TFAP2D: variants seen among roughly 807,000 people sequenced by gnomAD.
TFAP2D encodes the protein transcription factor AP-2 delta, also known as transcription factor AP-2-delta.
In TFAP2D, 9 loss-of-function variants were observed where a neutral mutation model predicts 43.6. The ratio of observed to expected loss-of-function variants is 0.21; its 90% CI spans 0.12 to 0.36. The LOEUF (loss-of-function observed/expected upper bound fraction) is 0.36, where lower values mean the gene tolerates loss of function less well. TFAP2D is among the 10% of genes least tolerant of loss of function. The pLI is 1.00. For missense variants in TFAP2D, 513 were observed against 561.4 expected, an observed-to-expected ratio of 0.91 and a Z score of 0.87; for synonymous variants, 256 against 224.9, an observed-to-expected ratio of 1.14 and a Z score of -1.24.
chr6:50,761,344 T>C (rs1769361033), intron 7 of TFAP2D, among the ~76,000 whole-genome samples: 2 of 151,986 alleles, frequency 1.3e-5, no homozygotes, highest in East Asian at 3.9e-4. Context: ...TGGCAGGCTA[T>C]TTTCTCTTGA....
chr6:50,753,978 G>C (rs1160817085), intron 7 of TFAP2D, among the ~76,000 whole-genome samples: 1 of 151,780 alleles, frequency 6.6e-6, no homozygotes. Flanking sequence ...TTCTTAAACT[G>C]TGATTAAAAA....
At chr6:50,720,412 T>C (rs972576784) in intron 3 of TFAP2D, among the ~76,000 whole-genome samples, 38 of 152,012 alleles carry the variant, frequency 2.5e-4, no homozygotes, top group African/African-American at 8.7e-4. Context: ...GTTATTGTTT[T>C]AGTGGATGCT....
Position 50,713,947 on chromosome 6 carries a change from ATTTT to A in TFAP2D, c.-102_-99del. 1.4e-6 allele frequency: 2 copies of A among 1,441,068 alleles called. No individual in the cohort carries two copies. Among genetic ancestry groups the A allele is most frequent in the Non-Finnish European group, 1.9e-6 (2 of 1,038,992 alleles). 89.3% of individuals were successfully genotyped at this position (1,441,068 alleles called of 1,614,324 possible). On this transcript the variant is annotated 5_prime_UTR_variant, in exon 1 of 8. Coordinates refer to ENST00000008391, the MANE Select transcript of TFAP2D (RefSeq NM_172238.4). The stretch of plus-strand genomic sequence containing the variant: ...CAATTTAGATATCTACCTATAGAAC[ATTTT>A]TTTTTTCCTTTAAAAATTGGAAAAT...
chr6:50,763,098 C>T (rs1769385695), intron 7 of TFAP2D, among the ~76,000 whole-genome samples: 1 of 152,028 alleles, frequency 6.6e-6, no homozygotes, highest in South Asian at 2.1e-4. Flanking sequence ...CTTAATCTCC[C>T]CTAAATTTCC....
intron 2 of TFAP2D, among the ~76,000 whole-genome samples, chr6:50,717,429 T>G (rs1329117162): frequency 6.6e-6 from 1 of 152,074 alleles, no homozygotes; most frequent in Non-Finnish European, 1.5e-5. Flanking sequence ...CGCCAGAGAG[T>G]GGGAGGGAAA....
At chr6:50,744,967 G>T in intron 5 of TFAP2D, 140 bp from the exon 6 acceptor site, 1 of 999,578 alleles carries the variant, frequency 1.0e-6, no homozygotes, top group Non-Finnish European at 1.4e-6. Flanking sequence ...CCCCAAAAAG[G>T]TCTTTTTTCT....
chr6:50,750,003 A>G (rs1281094731), intron 6 of TFAP2D, among the ~76,000 whole-genome samples: 1 of 151,892 alleles, frequency 6.6e-6, no homozygotes, highest in Non-Finnish European at 1.5e-5. Context: ...CTGGCATTAA[A>G]CCAGACCCTC....
intron 7 of TFAP2D, among the ~76,000 whole-genome samples, chr6:50,757,462 T>TAATATATATAATTATTCTATATATAGAA (rs1769291047): frequency 9.4e-6 from 1 of 106,528 alleles, no homozygotes; most frequent in East Asian, 2.7e-4. Context: ...TATATATATA[T>TAATATATATAATTATTCTATATATAGAA]AATATATATA....
intron 5 of TFAP2D, among the ~76,000 whole-genome samples, chr6:50,730,888 G>T (rs1376066030): frequency 6.6e-6 from 1 of 152,052 alleles, no homozygotes; most frequent in Non-Finnish European, 1.5e-5. Context: ...CACCCGGGAT[G>T]ATTGTGTATG....
At chr6:50,758,186 G>A (rs578253639) in intron 7 of TFAP2D, among the ~76,000 whole-genome samples, 20 of 151,878 alleles carry the variant, frequency 1.3e-4, no homozygotes, top group Middle Eastern at 3.4e-3. Context: ...TGGGAAATAA[G>A]GAATGTATAG....
intron 3 of TFAP2D, among the ~76,000 whole-genome samples, chr6:50,720,486 AACACACACACACACACACACACACAC>A (rs59484837): frequency 3.6e-5 from 5 of 139,160 alleles, no homozygotes; most frequent in Non-Finnish European, 4.6e-5. Context: ...TGGAGATTAA[AACACACACACACACACACACACACAC>A]ACACACACAC....
chr6:50,725,231 A>G (rs953023694), intron 3 of TFAP2D, among the ~76,000 whole-genome samples: 2 of 152,204 alleles, frequency 1.3e-5, no homozygotes, highest in Non-Finnish European at 2.9e-5. Context: ...CTGAGCCAGA[A>G]GTCTCTGGCT....
chr6:50,730,303 G>T (rs1271235926), intron 5 of TFAP2D, among the ~76,000 whole-genome samples: 1 of 152,084 alleles, frequency 6.6e-6, no homozygotes, highest in African/African-American at 2.4e-5. Context: ...TGGTGATTTT[G>T]CTCTTAACAG....
At chr6:50,742,584 A>AGAT (rs1769062674) in intron 5 of TFAP2D, among the ~76,000 whole-genome samples, 1 of 118,152 alleles carries the variant, frequency 8.5e-6, no homozygotes, top group East Asian at 2.3e-4. Context: ...ATAGATAGAT[A>AGAT]GATAGATAGA....
chr6:50,721,935 T>A (rs1768730845), intron 3 of TFAP2D, among the ~76,000 whole-genome samples: 1 of 152,216 alleles, frequency 6.6e-6, no homozygotes, highest in Admixed American at 6.5e-5. Flanking sequence ...TTTACATGAG[T>A]TAATCAGGGA....
intron 3 of TFAP2D, among the ~76,000 whole-genome samples, chr6:50,722,975 A>T (rs115979458): frequency 0.021 from 3,240 of 152,352 alleles, 69 homozygotes; most frequent in Non-Finnish European, 0.026. Context: ...GGACCCGGCC[A>T]TGGGCAGGCA....
chr6:50,719,069 ATTTCTG>A lies in TFAP2D; in HGVS notation c.538-15_538-10del. The stretch of plus-strand genomic sequence containing the variant: ...TATGAGTATCCATTTAAGTAATTTT[ATTTCTG>A]TTTCTTTTATTAAGGGCTCTGTGGA... On this transcript the variant is annotated splice_polypyrimidine_tract_variant and intron_variant, in intron 2 of 7. Transcript: ENST00000008391. 6.2e-7 allele frequency: 1 copy of A among 1,612,206 alleles called. No homozygotes were observed. The highest frequency in any genetic ancestry group is 8.5e-7 in the Non-Finnish European group (1 of 1,178,886).
At chr6:50,739,449 A>AT (rs535554267) in intron 5 of TFAP2D, among the ~76,000 whole-genome samples, 1 of 152,154 alleles carries the variant, frequency 6.6e-6, no homozygotes, top group African/African-American at 2.4e-5. Context: ...TATGTGCCAC[A>AT]TTTTTTTAAT....
At chr6:50,761,363 C>A (rs537132026) in intron 7 of TFAP2D, among the ~76,000 whole-genome samples, 16 of 152,014 alleles carry the variant, frequency 1.1e-4, no homozygotes, top group Non-Finnish European at 1.9e-4. Context: ...GATTTTCAGT[C>A]TTCTAGTTTG....
Sources: gnomAD v4.1 joint callset for allele counts (sites outside exome capture counted in the v4.1 genomes callset) on GRCh38, gnomAD v4.1.1 for gene constraint, MANE v1.5 for transcripts, NCBI Gene and HGNC (gene_info 2026-07-23, HGNC 2026-07-21) for gene names.